The following SYNE2 variants were observed in gnomAD, a reference collection of about 807,000 sequenced individuals.
SYNE2 encodes nesprin-2.
Under a neutral mutation model 856.3 loss-of-function variants are expected in SYNE2, and 431 were observed. That is an observed-to-expected ratio of 0.50 (90% CI 0.47 to 0.55). The LOEUF (loss-of-function observed/expected upper bound fraction) is 0.55, where lower values mean the gene tolerates loss of function less well. Among genes scored for constraint, SYNE2 ranks in the 20% least tolerant of loss-of-function variants. SYNE2 has a pLI of 0.00. For missense variants in SYNE2, 8,129 were observed against 8,023.2 expected, an observed-to-expected ratio of 1.01 and a Z score of -0.50; for synonymous variants, 2,923 against 2,872.3, an observed-to-expected ratio of 1.02 and a Z score of -0.56.
chr14:63,799,395 CTTTTTT>C (rs79092707), intron 1 of SYNE2, among the ~76,000 whole-genome samples: 1 of 128,464 alleles, frequency 7.8e-6, no homozygotes. Flanking sequence ...TGTTTTAAAA[CTTTTTT>C]TTTTTTTTTT....
At chr14:64,055,201 T>C (rs2097258921) in intron 48 of SYNE2, among the ~76,000 whole-genome samples, 1 of 152,214 alleles carries the variant, frequency 6.6e-6, no homozygotes, top group Non-Finnish European at 1.5e-5. Context: ...TCTTTTCATT[T>C]GTTCACAAAT....
In SYNE2 at chr14:64,216,346, C is replaced by T. The variant is rs200937358; in HGVS notation, c.19501C>T (p.Pro6501Ser). The change falls in exon 108 of 116, where the codon CCT becomes TCT. Residue 6501 changes from proline (P) to serine (S), a missense_variant. By Grantham distance (74) the Pro-to-Ser change is moderately conservative. Around this residue, in one of 3 missense-constraint regions of SYNE2, gnomAD observed 5,410 missense variants for 5,284.8 expected, o/e 1.02. Transcript: ENST00000555002. ...KQMEGDRNVP[P>S]VPPASSTPYK... The stretch of plus-strand genomic sequence containing the variant: ...AATGGAAGGTGACAGGAATGTTCCA[C>T]CTGTTCCCCCTGCGTCCAGCACCCC... 6.7e-5 allele frequency: 108 copies of T among 1,614,232 alleles called. 1 individual carries two copies. The Admixed American group carries it at 1.7e-3, about 26-fold the overall frequency.
chr14:63,850,544 G>A (rs72716400), upstream of SYNE2, among the ~76,000 whole-genome samples: 133 of 151,148 alleles, frequency 8.8e-4, no homozygotes, highest in Non-Finnish European at 1.7e-3. Flanking sequence ...AAAAGAACTA[G>A]GTATGTCTCA....
intron 1 of SYNE2, among the ~76,000 whole-genome samples, chr14:63,841,832 C>CTTTTTTT (rs34947861): frequency 1.1e-4 from 13 of 115,078 alleles, no homozygotes; most frequent in East Asian, 2.5e-4. Context: ...TTCTTTCTTT[C>CTTTTTTT]TTTTTTTTTT....
intron 1 of SYNE2, among the ~76,000 whole-genome samples, chr14:63,844,537 G>A (rs1890170455): frequency 6.6e-6 from 1 of 152,080 alleles, no homozygotes; most frequent in Admixed American, 6.6e-5. Flanking sequence ...TAAATACCAA[G>A]GAGCAAGATT....
intron 6 of SYNE2, among the ~76,000 whole-genome samples, chr14:63,944,584 C>A (rs529773001): frequency 7.8e-6 from 1 of 128,660 alleles, no homozygotes; most frequent in East Asian, 2.3e-4. Context: ...AGTGCAGTGG[C>A]AGGATCTTGG....
chr14:63,946,530 A>G (rs933318576), intron 6 of SYNE2, among the ~76,000 whole-genome samples: 1 of 148,438 alleles, frequency 6.7e-6, no homozygotes, highest in African/African-American at 2.5e-5. Context: ...TATGATCTCC[A>G]GTATATACAT....
chr14:64,033,081 T>C (rs2097054311), intron 45 of SYNE2, among the ~76,000 whole-genome samples: 1 of 152,148 alleles, frequency 6.6e-6, no homozygotes, highest in African/African-American at 2.4e-5. Flanking sequence ...GGTGGGAGGA[T>C]CACATGAGCC....
intron 1 of SYNE2, among the ~76,000 whole-genome samples, chr14:63,801,045 C>T (rs1433006558): frequency 6.6e-6 from 1 of 152,030 alleles, no homozygotes; most frequent in Non-Finnish European, 1.5e-5. Flanking sequence ...CTTTTTCTTT[C>T]CCTGTTGTAT....
At chr14:63,840,052 C>T (rs776217534) in intron 1 of SYNE2, among the ~76,000 whole-genome samples, 2 of 152,076 alleles carry the variant, frequency 1.3e-5, no homozygotes, top group African/African-American at 2.4e-5. Context: ...GTGGATCACC[C>T]GAGTTCAGGA....
intron 32 of SYNE2, 109 bp from the exon 33 acceptor site, chr14:64,016,364 T>G (rs2096892147): frequency 1.4e-6 from 1 of 720,564 alleles, no homozygotes; most frequent in African/African-American, 1.8e-5. Flanking sequence ...GAAGGTATTA[T>G]GCTTTGTTGG....
intron 1 of SYNE2, among the ~76,000 whole-genome samples, chr14:63,867,266 G>A (rs1895605006): frequency 6.6e-6 from 1 of 151,590 alleles, no homozygotes; most frequent in Non-Finnish European, 1.5e-5. Context: ...ACTTAGCACA[G>A]CACATTTATA....
intron 61 of SYNE2, chr14:64,095,029 G>T: frequency 5.9e-6 from 1 of 170,114 alleles, no homozygotes; most frequent in Non-Finnish European, 1.5e-5. Flanking sequence ...TTTAATATCT[G>T]GCTTAATATT....
chr14:63,775,863 A>G (rs1052493981), intron 1 of SYNE2, among the ~76,000 whole-genome samples: 1 of 152,188 alleles, frequency 6.6e-6, no homozygotes, highest in African/African-American at 2.4e-5. Flanking sequence ...TAATGGGCTA[A>G]AAAAACTAGG....
chr14:63,932,856 C>T (rs17101465), intron 2 of SYNE2, among the ~76,000 whole-genome samples: 77,950 of 152,028 alleles, frequency 0.51, 22,391 homozygotes, highest in Non-Finnish European at 0.63. Flanking sequence ...TGTAGAGTGG[C>T]GATGCAGAAA....
chr14:64,203,837 C>T (rs890362345), intron 100 of SYNE2, among the ~76,000 whole-genome samples: 6 of 152,110 alleles, frequency 3.9e-5, no homozygotes, highest in South Asian at 2.1e-4. Flanking sequence ...GCTTGGAGAC[C>T]GGATTGGGGG....
intron 19 of SYNE2, 145 bp from the exon 20 acceptor site, chr14:63,990,266 T>A: frequency 1.5e-6 from 1 of 676,740 alleles, no homozygotes; most frequent in Non-Finnish European, 2.5e-6. Context: ...TCAAAATGAC[T>A]CCTTAAAATA....
rs756777987 is a variant in SYNE2, at chr14:64,119,576, G to A, written c.12990G>A (p.Gln4330=). 27 of 1,614,038 alleles carry A rather than the reference G, an allele frequency of 1.7e-5. 1 individual carries two copies. In the South Asian group the frequency reaches 2.9e-4, roughly 17 times the overall value. Residue 4330 remains glutamine (Q), a synonymous_variant, in exon 67 of 116, where the codon CAG becomes CAA. Coordinates refer to ENST00000555002, the MANE Select transcript of SYNE2 (RefSeq NM_182914.3). The part of the protein sequence containing the change: ...KTVKCNLEKV[Q]MMLQEKHSED... Reference sequence around the variant, plus strand: ...TGAAGTGCAATTTAGAAAAAGTCCAGATGATGCTTCAGGAGAAGCACAGTG... The same window carrying A: ...TGAAGTGCAATTTAGAAAAAGTCCAAATGATGCTTCAGGAGAAGCACAGTG...
intron 1 of SYNE2, among the ~76,000 whole-genome samples, chr14:63,804,277 C>T (rs1888271765): frequency 6.6e-6 from 1 of 151,988 alleles, no homozygotes; most frequent in Admixed American, 6.6e-5. Flanking sequence ...AGAACTTTGT[C>T]AGATCATGGT....
Sources: gnomAD v4.1 joint callset for allele counts (sites outside exome capture counted in the v4.1 genomes callset) on GRCh38, gnomAD v4.1.1 for gene constraint, gnomAD v4.1.1 regional missense constraint, MANE v1.5 for transcripts, NCBI Gene and HGNC (gene_info 2026-07-23, HGNC 2026-07-21) for gene names.